TMTC4: variants seen among roughly 807,000 people sequenced by gnomAD.
TMTC4 encodes the protein transmembrane O-mannosyltransferase targeting cadherins 4, also known as protein O-mannosyl-transferase TMTC4.
A neutral mutation model predicts 86.0 loss-of-function variants in TMTC4; 65 were observed. That is an observed-to-expected ratio of 0.76 (90% CI 0.62 to 0.93). The LOEUF (loss-of-function observed/expected upper bound fraction) is 0.93. Among genes scored for constraint, TMTC4 ranks in the 40% least tolerant of loss-of-function variants. The pLI is 0.00. For synonymous variants in TMTC4, 379 were observed against 382.5 expected, an observed-to-expected ratio of 0.99 and a Z score of 0.11; for missense variants, 866 against 948.1, an observed-to-expected ratio of 0.91 and a Z score of 1.14.
At chr13:100,634,303 T>C (rs1394218741) in intron 12 of TMTC4, among the ~76,000 whole-genome samples, 1 of 152,144 alleles carries the variant, frequency 6.6e-6, no homozygotes, top group East Asian at 1.9e-4. Flanking sequence ...AAAGGTGACA[T>C]AAATGTGTAC....
intron 10 of TMTC4, among the ~76,000 whole-genome samples, chr13:100,636,091 A>G (rs533756684): frequency 6.6e-5 from 10 of 152,268 alleles, no homozygotes; most frequent in African/African-American, 2.4e-4. Flanking sequence ...TTTTCCATCA[A>G]GAAAGAACAG....
At chr13:100,635,754 A>G (rs1882130838) in intron 10 of TMTC4, 2 of 153,120 alleles carry the variant, frequency 1.3e-5, no homozygotes, top group Admixed American at 6.5e-5. Flanking sequence ...ACACTTCTGG[A>G]ACCACCTGAT....
intron 5 of TMTC4, among the ~76,000 whole-genome samples, chr13:100,657,676 C>T (rs1241647023): frequency 1.3e-5 from 2 of 152,110 alleles, no homozygotes; most frequent in Non-Finnish European, 2.9e-5. Context: ...TAGGTTAATC[C>T]CTTCCCAAAG....
intron 1 of TMTC4, chr13:100,673,289 GTA>G: frequency 1.0e-6 from 1 of 985,310 alleles, no homozygotes; most frequent in Non-Finnish European, 1.2e-6. Flanking sequence ...CTGGACTGCG[GTA>G]AACAGAATGG....
At chr13:100,669,599 C>T (rs896241113) in intron 2 of TMTC4, among the ~76,000 whole-genome samples, 1 of 152,152 alleles carries the variant, frequency 6.6e-6, no homozygotes, top group African/African-American at 2.4e-5. Flanking sequence ...ATGCCTGTGC[C>T]TCATCCTTGC....
At chr13:100,646,169 T>G (rs541835702) in intron 6 of TMTC4, among the ~76,000 whole-genome samples, 7 of 152,284 alleles carry the variant, frequency 4.6e-5, no homozygotes, top group Admixed American at 6.5e-5. Context: ...GTGGCTCTGA[T>G]GCTCCCTAAA....
intron 5 of TMTC4, 96 bp downstream of exon 5, chr13:100,662,859 CCAAGATGGG>C: frequency 8.2e-7 from 1 of 1,219,824 alleles, no homozygotes; most frequent in Non-Finnish European, 1.2e-6. Context: ...AGCTCTGGAA[CCAAGATGGG>C]TACATAAAGG....
At chr13:100,670,243 C>T (rs1377638914) in intron 2 of TMTC4, 117 bp downstream of exon 2, 11 of 1,171,684 alleles carry the variant, frequency 9.4e-6, no homozygotes, top group African/African-American at 1.6e-5. Flanking sequence ...GTGGATACCC[C>T]AGATTATGGA....
intron 12 of TMTC4, among the ~76,000 whole-genome samples, chr13:100,633,901 A>G (rs969978323): frequency 3.3e-5 from 5 of 152,196 alleles, no homozygotes; most frequent in African/African-American, 1.2e-4. Flanking sequence ...AGCATCTGGG[A>G]GGCTGAAGCA....
chr13:100,613,967 G>A (rs1193344236), intron 16 of TMTC4, among the ~76,000 whole-genome samples: 2 of 151,442 alleles, frequency 1.3e-5, no homozygotes, highest in Non-Finnish European at 2.9e-5. Flanking sequence ...AGCCTCCCAA[G>A]TAGCTGGGAT....
chr13:100,656,541 A>AATTT, intron 5 of TMTC4, 73 bp from the exon 6 acceptor site: 3 of 462,936 alleles, frequency 6.5e-6, no homozygotes, highest in Non-Finnish European at 9.8e-6. Context: ...AGGAGACATA[A>AATTT]CTTTTTTTTT....
chr13:100,637,491 T>C, intron 9 of TMTC4, 47 bp downstream of exon 9: 1 of 1,566,874 alleles, frequency 6.4e-7, no homozygotes, highest in Non-Finnish European at 8.7e-7. Context: ...TCTGGGAATC[T>C]GGTGGGGGAA....
chr13:100,638,206 G>A (rs890243999), intron 7 of TMTC4, 184 bp from the exon 8 acceptor site: 5 of 517,598 alleles, frequency 9.7e-6, no homozygotes, highest in Non-Finnish European at 1.7e-5. Context: ...TTAGCTCAAG[G>A]TAATAGATCA....
At chr13:100,664,394 G>A in intron 3 of TMTC4, 58 bp from the exon 4 acceptor site, 1 of 1,295,588 alleles carries the variant, frequency 7.7e-7, no homozygotes. Context: ...CCTAAGCCAA[G>A]CTCCTCCATC....
intron 6 of TMTC4, among the ~76,000 whole-genome samples, chr13:100,644,098 CTTTT>C (rs35254351): frequency 2.3e-5 from 3 of 132,274 alleles, no homozygotes; most frequent in African/African-American, 5.6e-5. Flanking sequence ...GGGAGGCGCT[CTTTT>C]TTTTTTTTTT....
chr13:100,644,010 T>C (rs982223473), intron 6 of TMTC4, among the ~76,000 whole-genome samples: 1 of 152,106 alleles, frequency 6.6e-6, no homozygotes, highest in South Asian at 2.1e-4. Context: ...TTGTGAATAC[T>C]TGAGATAGAA....
chr13:100,622,610 G>A (rs2066156), intron 15 of TMTC4, among the ~76,000 whole-genome samples: 133,965 of 152,034 alleles, frequency 0.88, 61,330 homozygotes, highest in East Asian at 1. Flanking sequence ...TGTAAGATGT[G>A]CCTTTCACCT....
intron 6 of TMTC4, among the ~76,000 whole-genome samples, chr13:100,644,869 C>T (rs1036343294): frequency 1.3e-5 from 2 of 151,844 alleles, no homozygotes; most frequent in Non-Finnish European, 2.9e-5. Context: ...GGCTAGAGTG[C>T]AATGGTGCGA....
intron 1 of TMTC4, among the ~76,000 whole-genome samples, chr13:100,672,609 G>C (rs1887262483): frequency 6.6e-6 from 1 of 152,052 alleles, no homozygotes; most frequent in Non-Finnish European, 1.5e-5. Context: ...TTCCACCTCA[G>C]CCTCCCAAGT....
Sources: gnomAD v4.1 joint callset for allele counts (sites outside exome capture counted in the v4.1 genomes callset) on GRCh38, gnomAD v4.1.1 for gene constraint, MANE v1.5 for transcripts, NCBI Gene and HGNC (gene_info 2026-07-23, HGNC 2026-07-21) for gene names.